SEL1L3: variants seen among roughly 807,000 people sequenced by gnomAD.
The protein encoded by SEL1L3 is SEL1L family member 3, also known as protein sel-1 homolog 3.
A neutral mutation model predicts 142.8 loss-of-function variants in SEL1L3; 76 were observed. The ratio of observed to expected loss-of-function variants is 0.53; its 90% confidence interval spans 0.44 to 0.64. The LOEUF (loss-of-function observed/expected upper bound fraction) is 0.64. Ranked by LOEUF, SEL1L3 falls within the 30% of genes least tolerant of loss-of-function variation. The probability of loss-of-function intolerance (pLI) is 0.00; values close to 1 mark genes in which losing one functional copy is unlikely to be tolerated. For synonymous variants in SEL1L3, 504 were observed against 519.6 expected, an observed-to-expected ratio of 0.97 and a Z score of 0.41; for missense variants, 1,262 against 1,381.7, an observed-to-expected ratio of 0.91 and a Z score of 1.37.
chr4:25,766,355 G>A (rs767171572), intron 19 of SEL1L3, among the ~76,000 whole-genome samples: 1 of 150,658 alleles, frequency 6.6e-6, no homozygotes, highest in South Asian at 2.1e-4. Flanking sequence ...CAGGAGAATC[G>A]CTTGAACCTG....
rs930461451 is a variant in SEL1L3 at position 25,788,457 on chromosome 4, T to C, written c.2077-93A>G. 8.5e-6 allele frequency: 11 copies of C among 1,292,474 alleles called. No individual in the cohort carries two copies. In the Admixed American group the frequency reaches 2.3e-4, roughly 27 times the overall value. 80.1% of individuals were successfully genotyped at this position (1,292,474 alleles called of 1,614,324 possible). ...GTGGGAGAGCAAACCTACTTTACGA[T>C]GTTTTAGATTGAGAACCAAGGATTA... On this transcript the variant is annotated intron_variant, in intron 12 of 23. Coordinates refer to ENST00000399878, the MANE Select transcript of SEL1L3 (RefSeq NM_015187.5). The surrounding 1 kb of genome is among the most constrained non-coding windows in gnomAD (Gnocchi z 5.3).
chr4:25,777,566 A>T, intron 16 of SEL1L3: 2 of 282,210 alleles, frequency 7.1e-6, no homozygotes, highest in Non-Finnish European at 1.4e-5. Flanking sequence ...CATAAAACAT[A>T]TACCAAAATT....
At position 25,788,269 on chromosome 4, in the gene SEL1L3, C is replaced by T. The variant is rs769068494; in HGVS notation, c.2172G>A (p.Thr724=). The stretch of plus-strand genomic sequence containing the variant: ...AGTCATAGATTAACGCAGGATCCTC[C>T]GTCTCCAGGGCGCCCTTGGCGTACC... ...IEWYAKGALE[T]EDPALIYDYA... Residue 724 remains threonine, a synonymous_variant, in exon 13 of 24, where the codon ACG becomes ACA. Coordinates refer to ENST00000399878, the MANE Select transcript of SEL1L3 (RefSeq NM_015187.5). This position sits in a 1 kb window ranked among gnomAD's most constrained non-coding sequence, Gnocchi z 5.3. 1.4e-5 allele frequency: 22 copies of T among 1,613,832 alleles called. No individual in the cohort carries two copies. Among genetic ancestry groups the T allele is most frequent in the East Asian group, 1.3e-4 (6 of 44,890 alleles).
chr4:25,745,806 C>G (rs980945588), downstream of SEL1L3, among the ~76,000 whole-genome samples: 2 of 152,238 alleles, frequency 1.3e-5, no homozygotes, highest in African/African-American at 4.8e-5. Context: ...AGGGTATGCC[C>G]TTGGGCAGAT....
chr4:25,752,112 A>C lies in SEL1L3; in HGVS notation c.3260-3548T>G, dbSNP rs1717636795. Among the ~76,000 whole-genome samples, 8 of 150,146 alleles carry C rather than the reference A, an allele frequency of 5.3e-5. No individual in the cohort carries two copies. In the South Asian group the frequency reaches 1.7e-3, roughly 32 times the overall value. The stretch of plus-strand genomic sequence containing the variant: ...CGACAGAGTAAGACTCCATCTCAAA[A>C]AAAAAAAAAAAATAGTTGAATGGGC... On this transcript the variant is annotated intron_variant, in intron 23 of 23. Coordinates refer to ENST00000399878, the MANE Select transcript of SEL1L3 (RefSeq NM_015187.5).
rs373575269 is a variant in SEL1L3, at chr4:25,826,327, C to T, written c.1157+3771G>A. Among the ~76,000 whole-genome samples, 68 of 152,334 alleles carry T rather than the reference C, an allele frequency of 4.5e-4. 1 individual carries two copies. The East Asian group carries it at 0.011, about 25-fold the overall frequency. ...TCCCGAGCACTTAATTCCTGATCTT[C>T]TCACACTATCCTTGTAGGACAACAG... On this transcript the variant is annotated intron_variant, in intron 6 of 23. Coordinates refer to ENST00000399878, the MANE Select transcript of SEL1L3 (RefSeq NM_015187.5).
chr4:25,766,242 C>A (rs1421051554), intron 19 of SEL1L3, among the ~76,000 whole-genome samples: 2 of 151,954 alleles, frequency 1.3e-5, no homozygotes, highest in African/African-American at 4.8e-5. Context: ...AGTTCAAGAC[C>A]AGCCTGGCTA....
intron 17 of SEL1L3, among the ~76,000 whole-genome samples, chr4:25,769,338 C>T (rs181108765): frequency 1.2e-3 from 176 of 152,226 alleles, no homozygotes; most frequent in Middle Eastern, 6.8e-3. Flanking sequence ...TCACAGGCCA[C>T]GTGGCTGCTG....
the SEL1L3 span, among the ~76,000 whole-genome samples, chr4:25,739,188 G>A: frequency 1.5e-4 from 23 of 151,524 alleles, no homozygotes; most frequent in African/African-American, 1.9e-4. Context: ...CAGCCTGGGC[G>A]ACAGAGCGAG....
intron 9 of SEL1L3, among the ~76,000 whole-genome samples, chr4:25,811,764 TTTGTTG>T (rs1036673831): frequency 6.8e-6 from 1 of 147,812 alleles, no homozygotes; most frequent in Admixed American, 6.8e-5. Flanking sequence ...TTTTTTTTTT[TTTGTTG>T]TTGTTGTTGT....
At chr4:25,810,218 T>C (rs1713924687) in intron 9 of SEL1L3, among the ~76,000 whole-genome samples, 2 of 152,164 alleles carry the variant, frequency 1.3e-5, no homozygotes, top group Admixed American at 6.5e-5. Context: ...AGGAAAGGAA[T>C]AAATAGGCCT....
chr4:25,729,603 A>G, the SEL1L3 span, among the ~76,000 whole-genome samples: 1 of 152,088 alleles, frequency 6.6e-6, no homozygotes, highest in Non-Finnish European at 1.5e-5. Context: ...AATTCCAGCT[A>G]CCCGGGAGGC....
chr4:25,774,304 C>T lies in SEL1L3; in HGVS notation c.2669+1973G>A, dbSNP rs549132437. Among the ~76,000 whole-genome samples, 5 of 152,278 alleles carry T rather than the reference C, an allele frequency of 3.3e-5. No individual in the cohort carries two copies. The South Asian group carries it at 1.0e-3, about 32-fold the overall frequency. On this transcript the variant is annotated intron_variant, in intron 17 of 23. Coordinates refer to ENST00000399878, the MANE Select transcript of SEL1L3 (RefSeq NM_015187.5). The stretch of plus-strand genomic sequence containing the variant: ...GCCCTATTTGAGGCATCTCTCGAAA[C>T]CTGTGGCCAGGCAACCTGCATTTAA...
In SEL1L3 at chr4:25,790,524, T is replaced by G. The variant is rs1712221606; in HGVS notation, c.2007A>C (p.Gln669His). ...RLKDDEILKV[Q>H]TKEDGDVFMW... is the part of the protein sequence containing the mutation. The stretch of plus-strand genomic sequence containing the variant: ...TAAAGACATCTCCATCTTCTTTGGT[T>G]TGTACCTTGAGTATTTCATCATCTT... The change falls in exon 12 of 24, where the codon CAA (glutamine) becomes CAC (histidine). Residue 669 changes from glutamine to histidine, a missense_variant. Gln to His is a conservative substitution (Grantham distance 24). Transcript: ENST00000399878. 6.2e-7 allele frequency: 1 copy of G among 1,613,354 alleles called. No individual in the cohort carries two copies. The highest frequency in any genetic ancestry group is 8.5e-7 in the Non-Finnish European group (1 of 1,179,698).
chr4:25,768,850 T>C (rs1363617204), intron 17 of SEL1L3, among the ~76,000 whole-genome samples: 1 of 152,014 alleles, frequency 6.6e-6, no homozygotes, highest in Admixed American at 6.6e-5. Flanking sequence ...CATCTTATTT[T>C]TGCAAAACAA....
intron 17 of SEL1L3, among the ~76,000 whole-genome samples, chr4:25,775,173 G>A (rs1719526915): frequency 1.3e-5 from 2 of 152,190 alleles, no homozygotes; most frequent in Admixed American, 1.3e-4. Context: ...GTACATTTAC[G>A]ATGGGGAAAC....
intron 23 of SEL1L3, among the ~76,000 whole-genome samples, chr4:25,751,406 A>G (rs925618846): frequency 5.9e-4 from 90 of 152,238 alleles, no homozygotes; most frequent in African/African-American, 1.9e-3. Flanking sequence ...CGGAGTTCCC[A>G]GGTGACCCAG....
At chr4:25,757,457 C>A (rs28556807) in intron 23 of SEL1L3, 77 bp downstream of exon 23, 25,407 of 406,234 alleles carry the variant, frequency 0.063, 495 homozygotes, top group East Asian at 0.083. Flanking sequence ...TCCAGTAGAC[C>A]AAAAAAAAAA....
chr4:25,761,411 C>A (rs1220680571), intron 20 of SEL1L3, among the ~76,000 whole-genome samples: 1 of 152,154 alleles, frequency 6.6e-6, no homozygotes, highest in Non-Finnish European at 1.5e-5. Flanking sequence ...CCACCTTGGC[C>A]TCCCAAAGTG....
Sources: allele counts gnomAD v4.1 joint callset (sites outside exome capture counted in the v4.1 genomes callset), GRCh38; gene constraint gnomAD v4.1.1; non-coding constraint Gnocchi (gnomAD v3.1); transcripts MANE v1.5; gene names NCBI Gene and HGNC (gene_info 2026-07-23, HGNC 2026-07-21).